The following PIWIL4 variants were observed in gnomAD, a reference collection of about 807,000 sequenced individuals.
PIWIL4 encodes the protein piwi-like protein 4.
PIWIL4 carries 50 observed loss-of-function variants against 100.9 expected under a neutral mutation model. The ratio of observed to expected loss-of-function variants is 0.50; its 90% CI spans 0.39 to 0.63. The LOEUF (loss-of-function observed/expected upper bound fraction) is 0.63, where lower values mean the gene tolerates loss of function less well. PIWIL4 is among the 20% of genes least tolerant of loss of function. The probability of loss-of-function intolerance (pLI) is 0.00; values close to 1 mark genes in which losing one functional copy is unlikely to be tolerated. For synonymous variants in PIWIL4, 342 were observed against 367.5 expected (o/e 0.93, Z 0.79); for missense variants, 887 against 1,043.3 (o/e 0.85, Z 2.06).
chr11:94,601,596 G>T (rs1454584706), intron 11 of PIWIL4, among the ~76,000 whole-genome samples, 199 bp from the exon 12 acceptor site: 1 of 152,184 alleles, frequency 6.6e-6, no homozygotes, highest in East Asian at 1.9e-4. Flanking sequence ...GGAAGACCTG[G>T]GATGACGCCC....
Position 94,620,040 on chromosome 11 carries a change from G to A in PIWIL4, c.2338G>A (p.Val780Ile). ...CAGCCAGGTGGCCTGCCGGGGAACT[G>A]TTAGTCCTACCTACTATAATGTCAT... ...LISQVACRGTVSPTYYNVIYD... is the reference protein window; with the variant it reads ...LISQVACRGTISPTYYNVIYD... Residue 780 changes from valine to isoleucine, a missense_variant, in exon 19 of 20, where the codon GTT (valine) becomes ATT (isoleucine). Physicochemically the swap from Val to Ile is conservative, Grantham distance 29. Coordinates refer to ENST00000299001, the MANE Select transcript of PIWIL4 (RefSeq NM_152431.3). The A allele has an allele frequency of 6.2e-7, 1 of 1,614,138 alleles. No individual in the cohort carries two copies. Among genetic ancestry groups the A allele is most frequent in the Non-Finnish European group, 8.5e-7 (1 of 1,180,008 alleles).
chr11:94,570,498 C>A (rs1363465101), intron 2 of PIWIL4, among the ~76,000 whole-genome samples: 1 of 152,012 alleles, frequency 6.6e-6, no homozygotes, highest in Non-Finnish European at 1.5e-5. Flanking sequence ...TATTTAAAGA[C>A]CCTGTCACCA....
chr11:94,581,126 C>G (rs60780460), intron 4 of PIWIL4, among the ~76,000 whole-genome samples: 1,683 of 152,064 alleles, frequency 0.011, 83 homozygotes, highest in Admixed American at 0.085. Context: ...GCTCAAACTT[C>G]TGACCTCAGG....
At position 94,608,841 on chromosome 11, in the gene PIWIL4, G is replaced by A. The variant is rs531680450; in HGVS notation, c.1943+155G>A. ...AAATTACACTTACATATAAAAATGT[G>A]ATTGATAATATTGGGGTACTATGTA... On this transcript the variant is annotated intron_variant, in intron 15 of 19. Transcript: ENST00000299001. Among the ~76,000 whole-genome samples the A allele has an allele frequency of 1.8e-4, 28 of 152,270 alleles. 1 individual carries two copies. The South Asian group carries it at 4.8e-3, about 26-fold the overall frequency.
At chr11:94,575,412 C>T (rs779267003) in intron 3 of PIWIL4, among the ~76,000 whole-genome samples, 28 of 152,300 alleles carry the variant, frequency 1.8e-4, no homozygotes, top group Non-Finnish European at 3.5e-4. Flanking sequence ...TCTTTCCCAA[C>T]ATGGGAAGTA....
Position 94,620,887 on chromosome 11 carries a change from T to G in PIWIL4, c.2454T>G (p.Ser818Arg). The G allele has an allele frequency of 6.2e-7, 1 of 1,613,196 alleles. No homozygotes were observed. Among genetic ancestry groups the G allele is most frequent in the Non-Finnish European group, 8.5e-7 (1 of 1,179,332 alleles). The stretch of plus-strand genomic sequence containing the variant: ...TTTTTTCTCCTCAGGGCATAGTCAG[T>G]GTCCCAGCACCATGTCAGTATGCTC... ...HLYYNWPGIV[S>R]VPAPCQYAHK... Residue 818 changes from serine (S) to arginine (R), a missense_variant, in exon 20 of 20, where the codon AGT becomes AGG. Ser to Arg is a moderately radical substitution (Grantham distance 110). Around this residue, in one of 2 missense-constraint regions of PIWIL4, gnomAD observed 741 missense variants for 930.0 expected, o/e 0.80. Transcript: ENST00000299001.
intron 14 of PIWIL4, 158 bp from the exon 15 acceptor site, chr11:94,608,425 G>A (rs1948748914): frequency 3.4e-6 from 2 of 593,350 alleles, no homozygotes; most frequent in East Asian, 2.9e-5. Flanking sequence ...CTCATTTCTG[G>A]TTTAATAATC....
At chr11:94,568,686 C>A in intron 1 of PIWIL4, 44 bp from the exon 2 acceptor site, 1 of 1,448,008 alleles carries the variant, frequency 6.9e-7, no homozygotes, top group Non-Finnish European at 9.7e-7. Context: ...TGGTTTGTGA[C>A]TTACCATTGT....
At chr11:94,590,534 T>C (rs1443181374) in intron 8 of PIWIL4, among the ~76,000 whole-genome samples, 2 of 152,196 alleles carry the variant, frequency 1.3e-5, no homozygotes, top group Non-Finnish European at 2.9e-5. Context: ...ATTCCCAAAT[T>C]ACATATTCAT....
intron 4 of PIWIL4, among the ~76,000 whole-genome samples, chr11:94,578,041 C>T (rs1334092616): frequency 6.6e-6 from 1 of 152,092 alleles, no homozygotes; most frequent in Non-Finnish European, 1.5e-5. Flanking sequence ...CATTCTTTGG[C>T]CCTCCAGAAA....
At chr11:94,585,565 T>C in intron 6 of PIWIL4, 40 bp downstream of exon 6, 1 of 1,444,688 alleles carries the variant, frequency 6.9e-7, no homozygotes, top group Non-Finnish European at 9.6e-7. Context: ...GAAATTATTA[T>C]AATGTGAGCA....
intron 13 of PIWIL4, 104 bp downstream of exon 13, chr11:94,604,160 T>C (rs1948685851): frequency 3.4e-6 from 2 of 592,370 alleles, no homozygotes; most frequent in Non-Finnish European, 5.6e-6. Flanking sequence ...CAAATTGCCA[T>C]GCATTTCTCC....
At chr11:94,587,911 A>G (rs1948425332) in intron 7 of PIWIL4, among the ~76,000 whole-genome samples, 3 of 108,726 alleles carry the variant, frequency 2.8e-5, no homozygotes, top group African/African-American at 1.7e-4. Context: ...CCTGAGTACT[A>G]AAAAGCTCAC....
At chr11:94,598,308 A>G (rs983152901) in intron 11 of PIWIL4, among the ~76,000 whole-genome samples, 8 of 152,218 alleles carry the variant, frequency 5.3e-5, no homozygotes, top group African/African-American at 1.2e-4. Context: ...TAAGGCTGCA[A>G]TGAGCTTTTG....
chr11:94,589,338 C>T (rs1487774794), intron 8 of PIWIL4, 106 bp downstream of exon 8: 5 of 868,744 alleles, frequency 5.8e-6, no homozygotes, highest in East Asian at 5.2e-5. Context: ...AGTCTGCCTC[C>T]GACCTGATTC....
intron 1 of PIWIL4, 45 bp downstream of exon 1, chr11:94,567,650 C>T: frequency 2.0e-6 from 3 of 1,529,844 alleles, no homozygotes; most frequent in Middle Eastern, 1.7e-4. Flanking sequence ...TCTCCTACCT[C>T]TGTCTCTAGC....
At position 94,619,814 on chromosome 11, in the gene PIWIL4, C is replaced by G. The variant is rs561220038; in HGVS notation, c.2223C>G (p.Thr741=). 4 of 1,613,966 alleles carry G rather than the reference C, an allele frequency of 2.5e-6. No homozygotes were observed. The African/African-American group carries it at 4.0e-5, about 16-fold the overall frequency. The change falls in exon 18 of 20, where the codon ACC becomes ACG. Residue 741 remains threonine, a synonymous_variant. Transcript: ENST00000299001. ...AGAAGTGCATGCCACGATTCTTTAC[C>G]GAAATGAACCGCACTGTACAGAACC... is the stretch of plus-strand genomic sequence containing the variant. ...VRKKCMPRFF[T]EMNRTVQNPP...
At chr11:94,600,531 C>A (rs2135281387) in intron 11 of PIWIL4, among the ~76,000 whole-genome samples, 1 of 152,240 alleles carries the variant, frequency 6.6e-6, no homozygotes, top group South Asian at 2.1e-4. Flanking sequence ...AATAGAATAT[C>A]ACAAGGCAAA....
chr11:94,567,400 TG>T lies in PIWIL4; in HGVS notation c.-117del. On this transcript the variant is annotated 5_prime_UTR_variant, in exon 1 of 20. It removes the in-frame stop codon of an upstream open reading frame in the 5' UTR. Coordinates refer to ENST00000299001, the MANE Select transcript of PIWIL4 (RefSeq NM_152431.3). Reference sequence around the variant, plus strand: ...CAGCCCCGGCGTTGGTTGTGGATGCTGGACATCCACCGCCTCCAGGCAGTTT... The same window carrying T: ...CAGCCCCGGCGTTGGTTGTGGATGCTGACATCCACCGCCTCCAGGCAGTTT... 2 of 927,482 alleles carry T rather than the reference TG, an allele frequency of 2.2e-6. No individual in the cohort carries two copies. Among genetic ancestry groups the T allele is most frequent in the Non-Finnish European group, 3.1e-6 (2 of 651,988 alleles). The allele number at this position is 927,482 out of a possible 1,614,324, so 57.5% of individuals were successfully genotyped here. A position where few individuals can be genotyped will look rare whatever the true frequency, so the allele number is the denominator to read the frequency against.
Sources: gnomAD v4.1 joint callset for allele counts (sites outside exome capture counted in the v4.1 genomes callset) on GRCh38, gnomAD v4.1.1 for gene constraint, gnomAD v4.1.1 regional missense constraint, MANE v1.5 for transcripts, NCBI Gene and HGNC (gene_info 2026-07-23, HGNC 2026-07-21) for gene names.